The following USP3 variants were observed in gnomAD, a reference collection of about 807,000 sequenced individuals.
The protein encoded by USP3 is ubiquitin specific peptidase 3.
Under a neutral mutation model 72.3 loss-of-function variants are expected in USP3, and 20 were observed. The observed-to-expected ratio is 0.28, with a 90% CI of 0.19 to 0.40. The LOEUF (loss-of-function observed/expected upper bound fraction) is 0.40, where lower values mean the gene tolerates loss of function less well. Ranked by LOEUF, USP3 falls within the 10% of genes least tolerant of loss-of-function variation. The pLI, the probability that USP3 is intolerant of heterozygous loss-of-function variation, is 1.00. For synonymous variants in USP3, 222 were observed against 225.3 expected, an observed-to-expected ratio of 0.99 and a Z score of 0.13; for missense variants, 479 against 633.9, an observed-to-expected ratio of 0.76 and a Z score of 2.62.
chr15:63,558,265 C>CACTAACTCTAGTCAT, intron 6 of USP3, 77 bp downstream of exon 6: 1 of 1,481,786 alleles, frequency 6.7e-7, no homozygotes, highest in East Asian at 2.3e-5. Flanking sequence ...TCTCGTCTGC[C>CACTAACTCTAGTCAT]ACTAACTCTA....
intron 8 of USP3, among the ~76,000 whole-genome samples, chr15:63,569,582 G>A (rs1210531159): frequency 6.6e-6 from 1 of 152,158 alleles, no homozygotes; most frequent in East Asian, 1.9e-4. Flanking sequence ...TTCCATGCTG[G>A]CAAAATGCAG....
In USP3 at chr15:63,528,957, A is replaced by G; in HGVS notation, c.92-3690A>G. ...AACAGAGTGAATATTCCCCAAAGCA[A>G]TGCCATTTATTGGCTTCAGAATCCC... On this transcript the variant is annotated intron_variant, in intron 1 of 14. Coordinates refer to ENST00000380324, the MANE Select transcript of USP3 (RefSeq NM_006537.4). This position sits in a 1 kb window ranked among gnomAD's most constrained non-coding sequence, Gnocchi z 4.3. The G allele has an allele frequency of 1.6e-6, 2 of 1,240,850 alleles. No individual in the cohort carries two copies. The highest frequency in any genetic ancestry group is 2.4e-5 in the Admixed American group (1 of 42,312). The allele number at this position is 1,240,850 out of a possible 1,614,324, so 76.9% of individuals were successfully genotyped here. A position where few individuals can be genotyped will look rare whatever the true frequency, so the allele number is the denominator to read the frequency against.
chr15:63,574,387 A>C lies in USP3; in HGVS notation c.1080A>C (p.Pro360=). The change falls in exon 11 of 15, where the codon CCA becomes CCC. Residue 360 remains proline, a synonymous_variant. Transcript: ENST00000380324. The surrounding 1 kb of genome is among the most constrained non-coding windows in gnomAD (Gnocchi z 4.6). ...GCTCTAAGAATCAAGAAAATGGACC[A>C]GTTTGTTCGTTACGAGGTAAAGATA... ...SKRSKNQENG[P]VCSLRDCLRS... is the part of the protein sequence containing the mutation. 2 of 1,604,604 alleles carry C rather than the reference A, an allele frequency of 1.2e-6. No individual in the cohort carries two copies.
At chr15:63,558,300 CTTAA>C in intron 6 of USP3, 112 bp downstream of exon 6, 4 of 1,171,292 alleles carry the variant, frequency 3.4e-6, no homozygotes, top group Non-Finnish European at 4.9e-6. Flanking sequence ...AGCAAGATAC[CTTAA>C]TTTCCTGTGC....
At chr15:63,517,036 GA>G (rs1358762542) in intron 1 of USP3, among the ~76,000 whole-genome samples, 3 of 149,220 alleles carry the variant, frequency 2.0e-5, no homozygotes, top group East Asian at 2.0e-4. Context: ...ATATTTCCTT[GA>G]TTTTTTTTTT....
At chr15:63,516,469 A>AT (rs945321718) in intron 1 of USP3, among the ~76,000 whole-genome samples, 9 of 151,462 alleles carry the variant, frequency 5.9e-5, no homozygotes, top group South Asian at 2.1e-4. Flanking sequence ...ACAGGAGGTA[A>AT]TTTTTTTTTC....
rs1442313097 is a variant in USP3, at chr15:63,591,838, A to T, written c.*1012A>T. Reference sequence around the variant, plus strand: ...AATCTTCGCTGCTCTGGGTTTTAACACCTCTCTCTGGCCTATCCTGATTGA... The same window carrying T: ...AATCTTCGCTGCTCTGGGTTTTAACTCCTCTCTCTGGCCTATCCTGATTGA... On this transcript the variant is annotated 3_prime_UTR_variant, in exon 15 of 15. Transcript: ENST00000380324. 1 of 151,892 alleles carries T rather than the reference A, an allele frequency of 6.6e-6. No individual in the cohort carries two copies. The highest frequency in any genetic ancestry group is 2.4e-5 in the African/African-American group (1 of 41,374). 9.4% of individuals were successfully genotyped at this position (151,892 alleles called of 1,614,324 possible). A position where few individuals can be genotyped will look rare whatever the true frequency, so the allele number is the denominator to read the frequency against.
chr15:63,564,265 A>G (rs1458058156), intron 8 of USP3, among the ~76,000 whole-genome samples: 1 of 152,216 alleles, frequency 6.6e-6, no homozygotes. Flanking sequence ...ATTCCAGCCA[A>G]GCAGGAAATA....
intron 3 of USP3, among the ~76,000 whole-genome samples, chr15:63,552,289 T>C (rs1457153713): frequency 2.0e-5 from 3 of 152,240 alleles, no homozygotes; most frequent in Non-Finnish European, 2.9e-5. Context: ...TTAAGGTTTA[T>C]AGAGGTACCA....
chr15:63,544,386 G>T lies in USP3; in HGVS notation c.284+7230G>T. The T allele has an allele frequency of 3.3e-6, 1 of 299,686 alleles. No homozygotes were observed. The highest frequency in any genetic ancestry group is 6.3e-6 in the Non-Finnish European group (1 of 159,316). 18.6% of individuals were successfully genotyped at this position (299,686 alleles called of 1,614,324 possible). ...CAGTTAATATGAGTGAGGTCTGGTA[G>T]AAAGAAAGTAACTTTATTAACCAAA... is the stretch of plus-strand genomic sequence containing the variant. On this transcript the variant is annotated intron_variant, in intron 3 of 14. Coordinates refer to ENST00000380324, the MANE Select transcript of USP3 (RefSeq NM_006537.4). The surrounding 1 kb of genome is among the most constrained non-coding windows in gnomAD (Gnocchi z 4.2).
intron 11 of USP3, among the ~76,000 whole-genome samples, chr15:63,579,806 T>C (rs1332977265): frequency 2.6e-5 from 4 of 152,146 alleles, no homozygotes; most frequent in African/African-American, 9.7e-5. Context: ...GAGTAAGATA[T>C]AAATGATCAT....
At chr15:63,547,789 A>G (rs868428849) in intron 3 of USP3, among the ~76,000 whole-genome samples, 5 of 96,998 alleles carry the variant, frequency 5.2e-5, no homozygotes, top group African/African-American at 1.2e-4. Flanking sequence ...AGAGAGAGAG[A>G]GAGAGAGAGA....
intron 2 of USP3, among the ~76,000 whole-genome samples, chr15:63,533,057 C>A (rs2066101492): frequency 6.6e-6 from 1 of 152,080 alleles, no homozygotes; most frequent in Non-Finnish European, 1.5e-5. Flanking sequence ...TAAGCACACA[C>A]AAACATAGAG....
chr15:63,583,059 C>G (rs1422727245), intron 11 of USP3, among the ~76,000 whole-genome samples: 1 of 152,174 alleles, frequency 6.6e-6, no homozygotes, highest in African/African-American at 2.4e-5. Flanking sequence ...TGACCCCATG[C>G]TTCCACACAC....
chr15:63,541,730 T>C (rs1422493328), intron 3 of USP3, among the ~76,000 whole-genome samples: 1 of 152,170 alleles, frequency 6.6e-6, no homozygotes, highest in East Asian at 1.9e-4. Context: ...CAGTTTGAAA[T>C]AGGTGAAGTC....
chr15:63,556,262 TAAGA>T (rs77102488), intron 4 of USP3: 2,641 of 155,598 alleles, frequency 0.017, 160 homozygotes, highest in East Asian at 0.13. Context: ...TTATTGAAAT[TAAGA>T]AAGAAATAGC....
At chr15:63,568,557 A>G (rs2066731017) in intron 8 of USP3, among the ~76,000 whole-genome samples, 1 of 152,202 alleles carries the variant, frequency 6.6e-6, no homozygotes, top group Non-Finnish European at 1.5e-5. Context: ...CTTTAACATG[A>G]TTATAAAACA....
intron 11 of USP3, among the ~76,000 whole-genome samples, chr15:63,582,303 A>C (rs1394877893): frequency 6.6e-6 from 1 of 152,182 alleles, no homozygotes; most frequent in Non-Finnish European, 1.5e-5. Flanking sequence ...CTACTAATCC[A>C]ACTAGGGTTT....
chr15:63,570,052 T>C lies in USP3; in HGVS notation c.762-381T>C, dbSNP rs926111257. Among the ~76,000 whole-genome samples, 2 of 152,168 alleles carry C rather than the reference T, an allele frequency of 1.3e-5. No individual in the cohort carries two copies. The highest frequency in any genetic ancestry group is 2.9e-5 in the Non-Finnish European group (2 of 68,026). ...ATTGGAGCATCTTCTAGAGAGGTTA[T>C]GTGGGCAGGGAGAAGAGTCAGAGTC... On this transcript the variant is annotated intron_variant, in intron 8 of 14. Coordinates refer to ENST00000380324, the MANE Select transcript of USP3 (RefSeq NM_006537.4). This position sits in a 1 kb window ranked among gnomAD's most constrained non-coding sequence, Gnocchi z 4.4.
Sources: allele counts gnomAD v4.1 joint callset (sites outside exome capture counted in the v4.1 genomes callset), GRCh38; gene constraint gnomAD v4.1.1; non-coding constraint Gnocchi (gnomAD v3.1); transcripts MANE v1.5; gene names NCBI Gene and HGNC (gene_info 2026-07-23, HGNC 2026-07-21).